The following PSD3 variants were observed in gnomAD, a reference collection of about 807,000 sequenced individuals.
The protein encoded by PSD3 is pleckstrin and Sec7 domain containing 3.
A neutral mutation model predicts 105.5 loss-of-function variants in PSD3; 49 were observed. The observed-to-expected ratio is 0.46, with a 90% CI of 0.37 to 0.59. The LOEUF is 0.59. PSD3 is among the 20% of genes least tolerant of loss of function. The pLI is 0.00. For missense variants in PSD3, 1,561 were observed against 1,263.8 expected (o/e 1.24, Z -3.57); for synonymous variants, 557 against 457.8 (o/e 1.22, Z -2.77).
chr8:18,994,441 AATT>A (rs1382639316), intron 1 of PSD3, among the ~76,000 whole-genome samples: 20 of 152,068 alleles, frequency 1.3e-4, no homozygotes, highest in African/African-American at 4.3e-4. Context: ...ATTAACAGAG[AATT>A]ATGAGATAAA....
chr8:18,863,630 G>A (rs890738974), intron 4 of PSD3, among the ~76,000 whole-genome samples: 14 of 152,094 alleles, frequency 9.2e-5, no homozygotes, highest in African/African-American at 3.4e-4. Context: ...ACTTAATTAT[G>A]TTTGTGACAA....
At chr8:18,689,056 A>AAACC (rs1424050614) in intron 9 of PSD3, among the ~76,000 whole-genome samples, 3 of 152,238 alleles carry the variant, frequency 2.0e-5, no homozygotes, top group Admixed American at 2.0e-4. Flanking sequence ...TTTGGTAGAT[A>AAACC]AACCCTAAAA....
intron 10 of PSD3, among the ~76,000 whole-genome samples, chr8:18,640,101 T>C (rs1471322853): frequency 6.6e-6 from 1 of 152,190 alleles, no homozygotes; most frequent in African/African-American, 2.4e-5. Flanking sequence ...AAGCAGACTG[T>C]GGTCGTGAAT....
chr8:18,543,677 C>T (rs1800279518), intron 15 of PSD3, among the ~76,000 whole-genome samples: 1 of 151,458 alleles, frequency 6.6e-6, no homozygotes, highest in Non-Finnish European at 1.5e-5. Context: ...GGGAAAAAAT[C>T]CCTTTTCACT....
chr8:18,909,646 G>C (rs1247246572), intron 2 of PSD3, among the ~76,000 whole-genome samples: 1 of 151,852 alleles, frequency 6.6e-6, no homozygotes, highest in African/African-American at 2.4e-5. Flanking sequence ...ACCATGCCCG[G>C]CTAATTTTTG....
At chr8:18,822,960 A>G (rs1812866024) in intron 4 of PSD3, among the ~76,000 whole-genome samples, 1 of 152,146 alleles carries the variant, frequency 6.6e-6, no homozygotes, top group Non-Finnish European at 1.5e-5. Context: ...TCACTCCAAA[A>G]ATGGCAAGCC....
chr8:18,832,947 G>A (rs1242538510), intron 4 of PSD3, among the ~76,000 whole-genome samples: 1 of 152,134 alleles, frequency 6.6e-6, no homozygotes, highest in East Asian at 1.9e-4. Flanking sequence ...GATTTGGGTG[G>A]GGACACAGCC....
At chr8:18,929,822 A>G (rs764907048) in intron 2 of PSD3, among the ~76,000 whole-genome samples, 7 of 117,686 alleles carry the variant, frequency 5.9e-5, no homozygotes, top group Non-Finnish European at 1.1e-4. Context: ...TCTCAGGGGG[A>G]AAAAAAATCT....
chr8:18,828,584 C>T (rs569902890), intron 4 of PSD3, among the ~76,000 whole-genome samples: 1 of 151,686 alleles, frequency 6.6e-6, no homozygotes, highest in South Asian at 2.1e-4. Flanking sequence ...GCAGACTGCT[C>T]GAGCCCGGGA....
intron 10 of PSD3, among the ~76,000 whole-genome samples, chr8:18,655,106 G>A (rs1432193362): frequency 1.3e-5 from 2 of 151,764 alleles, no homozygotes; most frequent in African/African-American, 2.4e-5. Flanking sequence ...GGTGGATCAC[G>A]AGGTCAGGAG....
intron 9 of PSD3, chr8:18,734,027 ATCC>A (rs1255831614): frequency 6.6e-6 from 1 of 152,210 alleles, no homozygotes; most frequent in Non-Finnish European, 1.5e-5. Context: ...TATTTAACAT[ATCC>A]ACAGGTATTA....
At chr8:18,820,347 A>C (rs1231962413) in intron 4 of PSD3, among the ~76,000 whole-genome samples, 1 of 152,138 alleles carries the variant, frequency 6.6e-6, no homozygotes, top group Admixed American at 6.5e-5. Flanking sequence ...TCTTAGATTC[A>C]AAAAATTTGA....
chr8:18,921,424 C>T (rs1313411457), intron 2 of PSD3, among the ~76,000 whole-genome samples: 1 of 152,176 alleles, frequency 6.6e-6, no homozygotes, highest in Non-Finnish European at 1.5e-5. Context: ...ATCCCTTGCC[C>T]ACAGATTCTA....
rs188247952 is a variant in PSD3, at chr8:18,969,910, C to T, written c.22-33768G>A. Among the ~76,000 whole-genome samples the T allele has an allele frequency of 5.1e-4, 77 of 152,154 alleles. 1 individual carries two copies. In the East Asian group the frequency reaches 9.1e-3, roughly 18 times the overall value. On this transcript the variant is annotated intron_variant, in intron 1 of 15. Transcript: ENST00000327040. ...CCACAAGGGATTTTTTAAAACAGTG[C>T]GCAAAATACCTATAGCTTTAAGAAT...
At chr8:18,656,941 T>C (rs568083652) in intron 9 of PSD3, among the ~76,000 whole-genome samples, 1 of 152,304 alleles carries the variant, frequency 6.6e-6, no homozygotes, top group African/African-American at 2.4e-5. Flanking sequence ...ATTTCTAAGG[T>C]ACAAAACCAC....
intron 12 of PSD3, among the ~76,000 whole-genome samples, chr8:18,598,528 A>G (rs1804206306): frequency 6.6e-6 from 1 of 152,160 alleles, no homozygotes; most frequent in South Asian, 2.1e-4. Context: ...AAAACGCATT[A>G]ACAGATCAAA....
intron 8 of PSD3, among the ~76,000 whole-genome samples, chr8:18,770,663 T>C (rs1276690310): frequency 6.6e-6 from 1 of 152,210 alleles, no homozygotes; most frequent in Non-Finnish European, 1.5e-5. Context: ...CAGCAACATC[T>C]GGGGAGGGGT....
intron 2 of PSD3, among the ~76,000 whole-genome samples, chr8:18,895,193 CA>C (rs1261212828): frequency 6.6e-6 from 1 of 152,204 alleles, no homozygotes; most frequent in African/African-American, 2.4e-5. Context: ...GAAAGTTGGG[CA>C]TATCCAGAGA....
At chr8:18,917,705 C>T (rs551903775) in intron 2 of PSD3, among the ~76,000 whole-genome samples, 11 of 152,254 alleles carry the variant, frequency 7.2e-5, no homozygotes, top group African/African-American at 1.4e-4. Context: ...CACCCCCAAC[C>T]CTGCCCCTTG....
Sources: gnomAD v4.1 joint callset for allele counts (sites outside exome capture counted in the v4.1 genomes callset) on GRCh38, gnomAD v4.1.1 for gene constraint, MANE v1.5 for transcripts, NCBI Gene and HGNC (gene_info 2026-07-23, HGNC 2026-07-21) for gene names.